NTRK3: variants seen among roughly 807,000 people sequenced by gnomAD.
NTRK3 encodes NT-3 growth factor receptor.
Under a neutral mutation model 91.7 loss-of-function variants are expected in NTRK3, and 24 were observed. The observed-to-expected ratio is 0.26, with a 90% CI of 0.19 to 0.37. NTRK3 has a LOEUF of 0.37. NTRK3 is among the 10% of genes least tolerant of loss of function. The pLI, the probability that NTRK3 is intolerant of heterozygous loss-of-function variation, is 1.00. For synonymous variants in NTRK3, 483 were observed against 404.0 expected (o/e 1.20, Z -2.34); for missense variants, 880 against 1,068.9 (o/e 0.82, Z 2.46).
At chr15:87,929,489 G>T in intron 16 of NTRK3, 55 bp from the exon 17 acceptor site, 1 of 1,602,240 alleles carries the variant, frequency 6.2e-7, no homozygotes, top group African/African-American at 1.3e-5. Flanking sequence ...AGATCAAGGA[G>T]AAAGGCCTTC....
chr15:88,204,485 T>A (rs2048574602), intron 3 of NTRK3, among the ~76,000 whole-genome samples: 1 of 152,216 alleles, frequency 6.6e-6, no homozygotes, highest in Admixed American at 6.5e-5. Context: ...CCATTTCTAA[T>A]GCTGCTCACT....
intron 3 of NTRK3, among the ~76,000 whole-genome samples, chr15:88,210,485 A>G (rs1435526395): frequency 6.6e-6 from 1 of 152,208 alleles, no homozygotes; most frequent in Admixed American, 6.5e-5. Context: ...CAATTCCTCA[A>G]TTGGTTTCTT....
chr15:88,206,331 G>GCA (rs2048761450), intron 3 of NTRK3, among the ~76,000 whole-genome samples: 1 of 133,808 alleles, frequency 7.5e-6, no homozygotes, highest in African/African-American at 2.8e-5. Flanking sequence ...GGGCGACAGC[G>GCA]AGACTCCATC....
chr15:87,941,594 C>T (rs2069861823), intron 14 of NTRK3, among the ~76,000 whole-genome samples: 1 of 152,138 alleles, frequency 6.6e-6, no homozygotes, highest in Non-Finnish European at 1.5e-5. Flanking sequence ...CTAAGATTAT[C>T]TGGGGGAAAC....
At chr15:88,053,326 C>T (rs2045395111) in intron 13 of NTRK3, among the ~76,000 whole-genome samples, 1 of 152,170 alleles carries the variant, frequency 6.6e-6, no homozygotes, top group African/African-American at 2.4e-5. Context: ...GTGGAGGCTC[C>T]ACTTAATAGC....
chr15:87,912,645 G>A (rs563929050), intron 17 of NTRK3, among the ~76,000 whole-genome samples: 12 of 151,800 alleles, frequency 7.9e-5, no homozygotes, highest in Admixed American at 5.9e-4. Context: ...TCTCTGGCTG[G>A]CATTCAATGT....
intron 17 of NTRK3, among the ~76,000 whole-genome samples, chr15:87,884,419 T>A (rs2065420857): frequency 1.3e-5 from 2 of 151,734 alleles, no homozygotes; most frequent in African/African-American, 4.8e-5. Flanking sequence ...TATTTATACT[T>A]TTTCAAAGCA....
exon 19 of NTRK3, chr15:87,868,172 T>C (rs972718759): frequency 3.5e-5 from 8 of 230,912 alleles, no homozygotes; most frequent in African/African-American, 8.8e-5. Flanking sequence ...TGTGTGTGTG[T>C]GCGCATATAT....
chr15:88,241,042 T>G lies in NTRK3; in HGVS notation c.248+14864A>C, dbSNP rs1013756535. ...AGGTCTTTACTGAACACCTACTAGG[T>G]GGGGGCTCTTGGGGACAGAGCTGAA... On this transcript the variant is annotated intron_variant, in intron 3 of 18. Transcript: ENST00000394480. This position sits in a 1 kb window ranked among gnomAD's most constrained non-coding sequence, Gnocchi z 4.3. Among the ~76,000 whole-genome samples the G allele has an allele frequency of 1.3e-5, 2 of 152,026 alleles. No homozygotes were observed. Among genetic ancestry groups the G allele is most frequent in the African/African-American group, 2.4e-5 (1 of 41,374 alleles).
chr15:88,174,255 T>C (rs998561440), intron 5 of NTRK3, among the ~76,000 whole-genome samples: 3 of 152,124 alleles, frequency 2.0e-5, no homozygotes, highest in Non-Finnish European at 2.9e-5. Flanking sequence ...ATGTTTGAGA[T>C]GTGAAAACAG....
chr15:88,112,675 T>C (rs1436887122), intron 13 of NTRK3, among the ~76,000 whole-genome samples: 1 of 152,180 alleles, frequency 6.6e-6, no homozygotes, highest in Non-Finnish European at 1.5e-5. Context: ...AAAAGTCTCC[T>C]GTCAGGAGCC....
intron 17 of NTRK3, among the ~76,000 whole-genome samples, chr15:87,881,406 C>CTTATTCATTTATTTAT (rs2065239211): frequency 6.7e-6 from 1 of 149,150 alleles, no homozygotes; most frequent in Non-Finnish European, 1.5e-5. Flanking sequence ...TTCCTTCTTT[C>CTTATTCATTTATTTAT]TTATTTATTT....
chr15:88,223,031 G>A (rs551467263), intron 3 of NTRK3, among the ~76,000 whole-genome samples: 9 of 152,286 alleles, frequency 5.9e-5, no homozygotes, highest in African/African-American at 1.7e-4. Flanking sequence ...GAGATGGGGC[G>A]ATGGGGCTGG....
chr15:88,157,773 C>A (rs2044055272), intron 5 of NTRK3, among the ~76,000 whole-genome samples: 1 of 152,010 alleles, frequency 6.6e-6, no homozygotes, highest in Admixed American at 6.5e-5. Flanking sequence ...CTGTTGGAGC[C>A]AGGACCCGGA....
intron 14 of NTRK3, among the ~76,000 whole-genome samples, chr15:88,012,733 T>C (rs1349997853): frequency 6.6e-6 from 1 of 152,230 alleles, no homozygotes; most frequent in East Asian, 1.9e-4. Flanking sequence ...CTTCTTCAGA[T>C]ATTTTTGATC....
intron 14 of NTRK3, among the ~76,000 whole-genome samples, chr15:88,005,941 T>G (rs1421242702): frequency 6.6e-6 from 1 of 152,196 alleles, no homozygotes; most frequent in Non-Finnish European, 1.5e-5. Flanking sequence ...AGGAAGGATC[T>G]CTCATCCCCT....
At chr15:88,118,111 T>C (rs901988925) in intron 13 of NTRK3, among the ~76,000 whole-genome samples, 1 of 152,230 alleles carries the variant, frequency 6.6e-6, no homozygotes, top group Non-Finnish European at 1.5e-5. Flanking sequence ...TTTTCTTCCC[T>C]AGTCCAAAAA....
At chr15:87,888,507 A>G (rs1429677541) in intron 17 of NTRK3, among the ~76,000 whole-genome samples, 2 of 152,178 alleles carry the variant, frequency 1.3e-5, no homozygotes, top group East Asian at 3.9e-4. Flanking sequence ...CAAGCCAGAG[A>G]AGCTCAGTCT....
Position 88,046,485 on chromosome 15 carries a change from A to G in NTRK3, c.1397-13440T>C, listed in dbSNP as rs185681778. On this transcript the variant is annotated intron_variant, in intron 13 of 18. Transcript: ENST00000394480. ...ACCATGTTACAGGTGCGCTCAGGAC[A>G]TGAGGCAGCACCTGAGACAGTCAAC... Among the ~76,000 whole-genome samples the G allele has an allele frequency of 2.0e-4, 31 of 152,306 alleles. 1 individual carries two copies. The East Asian group carries it at 5.8e-3, about 28-fold the overall frequency.
Sources: allele counts gnomAD v4.1 joint callset (sites outside exome capture counted in the v4.1 genomes callset), GRCh38; gene constraint gnomAD v4.1.1; non-coding constraint Gnocchi (gnomAD v3.1); transcripts MANE v1.5; gene names NCBI Gene and HGNC (gene_info 2026-07-23, HGNC 2026-07-21).